Variants in EIPR1 observed in about 807,000 individuals in gnomAD.
EIPR1 encodes the protein EARP and GARP complex-interacting protein 1.
EIPR1 carries 25 observed loss-of-function variants against 48.1 expected under a neutral mutation model. The observed-to-expected ratio is 0.52, with a 90% CI of 0.38 to 0.73. The LOEUF (loss-of-function observed/expected upper bound fraction) is 0.73. Among genes scored for constraint, EIPR1 ranks in the 30% least tolerant of loss-of-function variants. The pLI, the probability that EIPR1 is intolerant of heterozygous loss-of-function variation, is 0.00. For missense variants in EIPR1, 415 were observed against 506.2 expected (o/e 0.82, Z 1.73); for synonymous variants, 204 against 201.9 (o/e 1.01, Z -0.09).
At chr2:3,283,222 C>T (rs574958592) in intron 3 of EIPR1, among the ~76,000 whole-genome samples, 4 of 152,262 alleles carry the variant, frequency 2.6e-5, no homozygotes, top group Admixed American at 2.6e-4. Flanking sequence ...CAGGGACATC[C>T]TAAGAGGGTC....
chr2:3,323,569 C>T (rs548040450), intron 3 of EIPR1, among the ~76,000 whole-genome samples: 15 of 152,334 alleles, frequency 9.8e-5, no homozygotes, highest in Middle Eastern at 3.4e-3. Context: ...AGCCAACGTT[C>T]GCCGTGTTGT....
chr2:3,194,853 A>G (rs1008563464), intron 6 of EIPR1, among the ~76,000 whole-genome samples: 1 of 152,162 alleles, frequency 6.6e-6, no homozygotes, highest in Non-Finnish European at 1.5e-5. Context: ...TCCACTGTCC[A>G]CACCAGCTCC....
chr2:3,247,890 T>G (rs1031897945), intron 4 of EIPR1, among the ~76,000 whole-genome samples: 7 of 152,242 alleles, frequency 4.6e-5, no homozygotes, highest in Non-Finnish European at 8.8e-5. Context: ...CCTCAATTTC[T>G]GTAACAGTCA....
At position 3,370,614 on chromosome 2, in the gene EIPR1, G is replaced by A. The variant is rs61969785; in HGVS notation, c.42+7034C>T. On this transcript the variant is annotated intron_variant, in intron 1 of 8. Transcript: ENST00000382125. ...ATGCAGAAGCCTCAGGAGCCGATGC[G>A]ATCAACTGGAAGAAAGGGTATCAGT... Among the ~76,000 whole-genome samples the A allele has an allele frequency of 6.3e-4, 94 of 149,204 alleles. 2 individuals are homozygous for A. The South Asian group carries it at 0.011, about 17-fold the overall frequency.
At chr2:3,254,635 A>G (rs1667099035) in intron 4 of EIPR1, among the ~76,000 whole-genome samples, 1 of 152,256 alleles carries the variant, frequency 6.6e-6, no homozygotes, top group Admixed American at 6.5e-5. Flanking sequence ...TTCCATTTAT[A>G]GAACCTTCTC....
At chr2:3,224,954 G>T (rs1417077728) in intron 4 of EIPR1, among the ~76,000 whole-genome samples, 1 of 152,212 alleles carries the variant, frequency 6.6e-6, no homozygotes. Flanking sequence ...GCCACATCAG[G>T]GTGCCGGGGC....
intron 3 of EIPR1, among the ~76,000 whole-genome samples, chr2:3,305,939 C>T (rs545441101): frequency 8.5e-4 from 105 of 123,924 alleles, no homozygotes; most frequent in Non-Finnish European, 1.4e-3. Flanking sequence ...ACCATCATCA[C>T]GCCAATTCTA....
intron 3 of EIPR1, among the ~76,000 whole-genome samples, chr2:3,278,405 T>A (rs1558268713): frequency 6.6e-6 from 1 of 152,118 alleles, no homozygotes; most frequent in Non-Finnish European, 1.5e-5. Context: ...GAACCTGCCT[T>A]TAACCTGTGG....
At chr2:3,196,591 T>G (rs548904674) in intron 6 of EIPR1, among the ~76,000 whole-genome samples, 1 of 152,278 alleles carries the variant, frequency 6.6e-6, no homozygotes, top group Non-Finnish European at 1.5e-5. Context: ...TCGCTCAGTG[T>G]TACAAAAGCC....
At chr2:3,264,510 C>T (rs942231191) in intron 3 of EIPR1, among the ~76,000 whole-genome samples, 16 of 152,282 alleles carry the variant, frequency 1.1e-4, no homozygotes, top group African/African-American at 3.9e-4. Context: ...CCAAGCACTG[C>T]TAGGGAAGTG....
intron 2 of EIPR1, among the ~76,000 whole-genome samples, chr2:3,348,484 C>T (rs927722251): frequency 6.6e-6 from 1 of 152,184 alleles, no homozygotes; most frequent in Non-Finnish European, 1.5e-5. Flanking sequence ...GCCATGATCA[C>T]ACCCCCCAGG....
At chr2:3,301,440 T>C (rs141106412) in intron 3 of EIPR1, 260 of 151,566 alleles carry the variant, frequency 1.7e-3, no homozygotes, top group African/African-American at 6.3e-3. Context: ...CAAGGAGAAC[T>C]GGCCTTCACT....
Position 3,318,120 on chromosome 2 carries a change from A to G in EIPR1, c.259+19897T>C, listed in dbSNP as rs532982909. 2.6e-5 allele frequency among the ~76,000 whole-genome samples: 4 copies of G among 152,366 alleles called. No individual in the cohort carries two copies. The South Asian group carries it at 8.3e-4, about 32-fold the overall frequency. The stretch of plus-strand genomic sequence containing the variant: ...GCTCCTCTCTGCACCTCCAAGTGGA[A>G]CCGCTGCCATGTCGAAACGGCTGTG... On this transcript the variant is annotated intron_variant, in intron 3 of 8. Coordinates refer to ENST00000382125, the MANE Select transcript of EIPR1 (RefSeq NM_003310.5).
At chr2:3,307,395 TG>T (rs1668980363) in intron 3 of EIPR1, among the ~76,000 whole-genome samples, 1 of 152,152 alleles carries the variant, frequency 6.6e-6, no homozygotes, top group Admixed American at 6.5e-5. Context: ...TAGAGGGCAT[TG>T]GGGTGGGTGC....
intron 3 of EIPR1, among the ~76,000 whole-genome samples, chr2:3,265,200 C>CAGG (rs1156604880): frequency 2.7e-5 from 2 of 74,346 alleles, no homozygotes; most frequent in Non-Finnish European, 5.3e-5. Flanking sequence ...GAGGGGTGTG[C>CAGG]AGGCAGGAGG....
intron 3 of EIPR1, among the ~76,000 whole-genome samples, chr2:3,281,892 A>G (rs768395077): frequency 6.6e-6 from 1 of 152,214 alleles, no homozygotes; most frequent in Non-Finnish European, 1.5e-5. Context: ...GAGAGATTAA[A>G]ACCAAAGTTT....
chr2:3,244,566 G>A (rs1299764706), intron 4 of EIPR1, among the ~76,000 whole-genome samples: 1 of 152,148 alleles, frequency 6.6e-6, no homozygotes, highest in Non-Finnish European at 1.5e-5. Context: ...CAAAGCCTTG[G>A]CAAACAAAAT....
chr2:3,371,983 T>G (rs1671127792), intron 1 of EIPR1, among the ~76,000 whole-genome samples: 1 of 152,118 alleles, frequency 6.6e-6, no homozygotes, highest in Non-Finnish European at 1.5e-5. Context: ...TAGTTGGAAG[T>G]AAAGCTCTCC....
At chr2:3,335,504 AG>A (rs1670016064) in intron 3 of EIPR1, among the ~76,000 whole-genome samples, 1 of 152,062 alleles carries the variant, frequency 6.6e-6, no homozygotes, top group African/African-American at 2.4e-5. Flanking sequence ...GGTGGAGGAG[AG>A]GGCAAACGGG....
Sources: allele counts gnomAD v4.1 joint callset (sites outside exome capture counted in the v4.1 genomes callset), GRCh38; gene constraint gnomAD v4.1.1; transcripts MANE v1.5; gene names NCBI Gene and HGNC (gene_info 2026-07-23, HGNC 2026-07-21).